VDAC2: variants seen among roughly 807,000 people sequenced by gnomAD.
The protein encoded by VDAC2 is voltage dependent anion channel 2.
A neutral mutation model predicts 36.6 loss-of-function variants in VDAC2; 6 were observed. The ratio of observed to expected loss-of-function variants is 0.16; its 90% CI spans 0.09 to 0.32. The LOEUF (loss-of-function observed/expected upper bound fraction) is 0.32, where lower values mean the gene tolerates loss of function less well. VDAC2 is among the 10% of genes least tolerant of loss of function. VDAC2 has a pLI of 1.00. For missense variants in VDAC2, 247 were observed against 346.0 expected, an observed-to-expected ratio of 0.71 and a Z score of 2.27; for synonymous variants, 109 against 123.8, an observed-to-expected ratio of 0.88 and a Z score of 0.79.
chr10:75,221,611 C>A (rs374537719), intron 7 of VDAC2, among the ~76,000 whole-genome samples: 1 of 152,242 alleles, frequency 6.6e-6, no homozygotes, highest in East Asian at 1.9e-4. Context: ...GCCACTGTGC[C>A]CGGCTATTGT....
At chr10:75,218,928 G>A (rs2132264361) in intron 4 of VDAC2, 135 bp from the exon 5 acceptor site, 1 of 857,932 alleles carries the variant, frequency 1.2e-6, no homozygotes, top group East Asian at 2.7e-5. Context: ...AAGGATACGA[G>A]TGTTTAGGAA....
intron 7 of VDAC2, among the ~76,000 whole-genome samples, chr10:75,221,246 T>C (rs1410876994): frequency 6.6e-6 from 1 of 152,248 alleles, no homozygotes; most frequent in Non-Finnish European, 1.5e-5. Context: ...CTGCTACCAG[T>C]ACATTCATTT....
At chr10:75,216,869 G>A (rs962641398) in intron 4 of VDAC2, among the ~76,000 whole-genome samples, 1 of 152,190 alleles carries the variant, frequency 6.6e-6, no homozygotes, top group Non-Finnish European at 1.5e-5. Context: ...TTTCTGTGGA[G>A]CATATGAAAA....
Position 75,229,761 on chromosome 10 carries a change from C to T in VDAC2, c.793+60C>T, listed in dbSNP as rs1019527440. 4.4e-6 allele frequency: 6 copies of T among 1,375,172 alleles called. No homozygotes were observed. The East Asian group carries it at 1.2e-4, about 28-fold the overall frequency. 85.2% of individuals were successfully genotyped at this position (1,375,172 alleles called of 1,614,324 possible). On this transcript the variant is annotated intron_variant, in intron 9 of 9. Transcript: ENST00000332211. Reference sequence around the variant, plus strand: ...AGTATTAAAAAATTTAGTTTTCATTCTTCAGCTTACTTTTCAGACCTTTCA... The same window carrying T: ...AGTATTAAAAAATTTAGTTTTCATTTTTCAGCTTACTTTTCAGACCTTTCA...
At chr10:75,210,397 G>T (rs1300118559), upstream of VDAC2, among the ~76,000 whole-genome samples, 1 of 152,324 alleles carries the variant, frequency 6.6e-6, no homozygotes, top group Non-Finnish European at 1.5e-5. Flanking sequence ...GTTTCGGGGG[G>T]GAACCCGCAC....
At chr10:75,227,396 A>G (rs1475409111) in intron 8 of VDAC2, among the ~76,000 whole-genome samples, 1 of 152,122 alleles carries the variant, frequency 6.6e-6, no homozygotes, top group Non-Finnish European at 1.5e-5. Context: ...CTCTCTCTCC[A>G]GGTAGATAGT....
chr10:75,211,349 C>G, intron 2 of VDAC2, 160 bp downstream of exon 2: 1 of 1,370,174 alleles, frequency 7.3e-7, no homozygotes, highest in South Asian at 1.5e-5. Context: ...GGAGGAGGGG[C>G]TGGGCTGCTG....
chr10:75,223,329 C>T (rs1308193766), intron 8 of VDAC2, among the ~76,000 whole-genome samples: 3 of 152,192 alleles, frequency 2.0e-5, no homozygotes, highest in Admixed American at 2.0e-4. Flanking sequence ...AAGATTCATA[C>T]AGTACACTAT....
chr10:75,218,101 A>AG (rs1841663042), intron 4 of VDAC2: 9 of 398,364 alleles, frequency 2.3e-5, no homozygotes, highest in South Asian at 1.8e-4. Flanking sequence ...AAAAAAAAAA[A>AG]AAATTCAGAT....
chr10:75,211,509 A>G, intron 2 of VDAC2: 2 of 1,540,798 alleles, frequency 1.3e-6, no homozygotes, highest in Non-Finnish European at 1.8e-6. Flanking sequence ...TTCTAGAGGA[A>G]GTAGCAGTCC....
chr10:75,230,855 G>C (rs1373947166), intron 9 of VDAC2, 43 bp from the exon 10 acceptor site: 2 of 1,551,780 alleles, frequency 1.3e-6, no homozygotes, highest in Admixed American at 3.5e-5. Flanking sequence ...GACGTGCCAG[G>C]TACATCACGG....
intron 9 of VDAC2, among the ~76,000 whole-genome samples, chr10:75,230,253 A>C: frequency 6.6e-6 from 1 of 152,214 alleles, no homozygotes; most frequent in Non-Finnish European, 1.5e-5. Flanking sequence ...GGTGATTTTG[A>C]AACCTAAAGA....
intron 8 of VDAC2, among the ~76,000 whole-genome samples, chr10:75,227,576 A>AGTTTTTTTTTTTTTTTTTTTTTTT (rs1841989654): frequency 4.4e-5 from 4 of 90,766 alleles, no homozygotes; most frequent in African/African-American, 1.6e-4. Flanking sequence ...AAATAATAGG[A>AGTTTTTTTTTTTTTTTTTTTTTTT]ATTTTTTTTT....
intron 8 of VDAC2, among the ~76,000 whole-genome samples, chr10:75,224,543 A>C (rs1376568104): frequency 1.3e-5 from 2 of 152,160 alleles, no homozygotes; most frequent in Non-Finnish European, 2.9e-5. Context: ...CTTAAAAATT[A>C]CCAGTGGAAT....
At chr10:75,227,981 G>A (rs1316925141) in intron 8 of VDAC2, among the ~76,000 whole-genome samples, 1 of 150,440 alleles carries the variant, frequency 6.6e-6, no homozygotes, top group East Asian at 2.0e-4. Context: ...TGCAACCTCC[G>A]CCTCCCGGGT....
intron 8 of VDAC2, among the ~76,000 whole-genome samples, chr10:75,228,810 A>G (rs1238530116): frequency 6.6e-6 from 1 of 152,260 alleles, no homozygotes; most frequent in Non-Finnish European, 1.5e-5. Flanking sequence ...TTGCATGTCT[A>G]GGCAACCTAG....
At chr10:75,215,196 G>A (rs140595492) in intron 4 of VDAC2, among the ~76,000 whole-genome samples, 12 of 152,218 alleles carry the variant, frequency 7.9e-5, no homozygotes, top group African/African-American at 2.9e-4. Flanking sequence ...TTACAGATGT[G>A]AGCCACCATG....
chr10:75,211,072 T>A, intron 1 of VDAC2, 62 bp from the exon 2 acceptor site: 1 of 1,475,204 alleles, frequency 6.8e-7, no homozygotes, highest in Non-Finnish European at 9.1e-7. Flanking sequence ...CGCCCCTCTC[T>A]GCCCGGGATC....
At chr10:75,218,965 C>A in intron 4 of VDAC2, 98 bp from the exon 5 acceptor site, 1 of 1,285,432 alleles carries the variant, frequency 7.8e-7, no homozygotes. Flanking sequence ...ATGAATTTAC[C>A]AAATGTTTCA....
Sources: allele counts gnomAD v4.1 joint callset (sites outside exome capture counted in the v4.1 genomes callset), GRCh38; gene constraint gnomAD v4.1.1; transcripts MANE v1.5; gene names NCBI Gene and HGNC (gene_info 2026-07-23, HGNC 2026-07-21).